Variants in RASA1 observed in about 807,000 individuals in gnomAD.
RASA1 encodes RAS p21 protein activator 1, also known as ras GTPase-activating protein 1.
RASA1 carries 25 observed loss-of-function variants against 132.2 expected under a neutral mutation model. That is an observed-to-expected ratio of 0.19 (90% CI 0.14 to 0.26). The LOEUF is 0.26. Among genes scored for constraint, RASA1 ranks in the 10% least tolerant of loss-of-function variants. RASA1 has a pLI of 1.00. For synonymous variants in RASA1, 477 were observed against 449.9 expected (o/e 1.06, Z -0.76); for missense variants, 964 against 1,299.2 (o/e 0.74, Z 3.97).
intron 1 of RASA1, among the ~76,000 whole-genome samples, chr5:87,305,010 CTTGTTT>C (rs1206113130): frequency 9.8e-6 from 1 of 102,240 alleles, no homozygotes; most frequent in Non-Finnish European, 1.9e-5. Context: ...TGAAAATGTA[CTTGTTT>C]TTGTTTTTGA....
chr5:87,307,678 A>G (rs543617326), intron 1 of RASA1, among the ~76,000 whole-genome samples: 5 of 152,104 alleles, frequency 3.3e-5, no homozygotes, highest in Admixed American at 6.5e-5. Flanking sequence ...TGGGTCTGAC[A>G]TTGATAATTT....
intron 23 of RASA1, among the ~76,000 whole-genome samples, chr5:87,387,200 A>C (rs2112518148): frequency 6.6e-6 from 1 of 152,146 alleles, no homozygotes; most frequent in East Asian, 1.9e-4. Context: ...ATCACATCTG[A>C]CTGCCATGAC....
chr5:87,341,786 A>G (rs957756936), intron 6 of RASA1, among the ~76,000 whole-genome samples: 2 of 152,254 alleles, frequency 1.3e-5, no homozygotes, highest in East Asian at 3.9e-4. Context: ...GAAGATCTGA[A>G]CCATTAATCC....
In RASA1 at chr5:87,386,875, G is replaced by A. The variant is rs757298110; in HGVS notation, c.2897G>A (p.Arg966His). ...CCATTCATCAAAAGCAACAAACATCGTATGATCATGTTTTTAGATGAACTT... is the reference window on the plus strand; with the variant it reads ...CCATTCATCAAAAGCAACAAACATCATATGATCATGTTTTTAGATGAACTT... The part of the protein sequence containing the change: ...VNPFIKSNKH[R>H]MIMFLDELGN... Residue 966 changes from arginine (R) to histidine (H), a missense_variant, in exon 23 of 25, where the codon CGT becomes CAT. By Grantham distance (29) the Arg-to-His change is conservative (BLOSUM62 0). Coordinates refer to ENST00000274376, the MANE Select transcript of RASA1 (RefSeq NM_002890.3). 24 of 1,612,406 alleles carry A rather than the reference G, an allele frequency of 1.5e-5. No individual in the cohort carries two copies. The highest frequency in any genetic ancestry group is 1.9e-5 in the Non-Finnish European group (22 of 1,179,166).
rs1394485749 is a variant in RASA1, at chr5:87,380,615, T to G, written c.2690+20T>G. 1.3e-6 allele frequency: 2 copies of G among 1,570,702 alleles called. No individual in the cohort carries two copies. Among genetic ancestry groups the G allele is most frequent in the African/African-American group, 1.4e-5 (1 of 73,912 alleles). ...TGTTAGGTAAGGCTCATCAATTGAT[T>G]TGTTAAATCACATACTAATAGGTGG... On this transcript the variant is annotated intron_variant, in intron 20 of 24. Transcript: ENST00000274376.
At position 87,376,670 on chromosome 5, in the gene RASA1, C is replaced by A; in HGVS notation, c.2184+105C>A. ...AACATAGTAATTCATAGCTTAGTAG[C>A]ACAATGATGCCAGAGATTTTAAACC... is the stretch of plus-strand genomic sequence containing the variant. On this transcript the variant is annotated intron_variant, in intron 16 of 24. Transcript: ENST00000274376. 3.6e-6 allele frequency: 5 copies of A among 1,376,510 alleles called. No individual in the cohort carries two copies. The South Asian group carries it at 4.9e-5, about 14-fold the overall frequency. 85.3% of individuals were successfully genotyped at this position (1,376,510 alleles called of 1,614,324 possible).
intron 6 of RASA1, among the ~76,000 whole-genome samples, chr5:87,342,098 G>GT (rs1758513511): frequency 6.6e-6 from 1 of 151,066 alleles, no homozygotes. Flanking sequence ...CCTGCTGTTT[G>GT]TATTAGTTTG....
At chr5:87,378,625 A>G (rs1761486547) in intron 18 of RASA1, 87 bp downstream of exon 18, 3 of 1,342,412 alleles carry the variant, frequency 2.2e-6, no homozygotes, top group Admixed American at 2.0e-5. Flanking sequence ...TTTAAGGAAA[A>G]TATATTAAAT....
chr5:87,273,382 G>A (rs1335950209), intron 1 of RASA1, among the ~76,000 whole-genome samples: 1 of 152,116 alleles, frequency 6.6e-6, no homozygotes, highest in Non-Finnish European at 1.5e-5. Context: ...ATCTAAAACT[G>A]TTAACAGATT....
chr5:87,282,689 C>G (rs1043709995), intron 1 of RASA1, among the ~76,000 whole-genome samples: 2 of 152,106 alleles, frequency 1.3e-5, no homozygotes, highest in African/African-American at 4.8e-5. Context: ...TTAGATCTTA[C>G]GTTACTGTCT....
chr5:87,303,397 AT>A (rs1472337165), intron 1 of RASA1, among the ~76,000 whole-genome samples: 4 of 148,692 alleles, frequency 2.7e-5, no homozygotes, highest in African/African-American at 9.9e-5. Flanking sequence ...GTCTTTTCTA[AT>A]TTCTTGAGGT....
chr5:87,391,852 G>GT lies in RASA1; in HGVS notation c.*970dup, dbSNP rs1762550624. On this transcript the variant is annotated 3_prime_UTR_variant, in exon 25 of 25. Coordinates refer to ENST00000274376, the MANE Select transcript of RASA1 (RefSeq NM_002890.3). The stretch of plus-strand genomic sequence containing the variant: ...CAACTGTATAGTTTTATTTACTTCT[G>GT]TATGTGTATTTTTGTGAAGTATTCA... The GT allele has an allele frequency of 4.3e-6, 1 of 232,044 alleles. No homozygotes were observed. The highest frequency in any genetic ancestry group is 5.6e-5 in the Admixed American group (1 of 17,954). 14.4% of individuals were successfully genotyped at this position (232,044 alleles called of 1,614,324 possible).
At chr5:87,286,298 C>T (rs918971205) in intron 1 of RASA1, among the ~76,000 whole-genome samples, 1 of 151,990 alleles carries the variant, frequency 6.6e-6, no homozygotes, top group Non-Finnish European at 1.5e-5. Context: ...ATTTCCTTTA[C>T]TTTGATTCAC....
chr5:87,300,790 A>G (rs1755326338), intron 1 of RASA1, among the ~76,000 whole-genome samples: 1 of 152,248 alleles, frequency 6.6e-6, no homozygotes, highest in Non-Finnish European at 1.5e-5. Flanking sequence ...TTATATGATT[A>G]AAATTTACAT....
At chr5:87,322,634 G>C (rs1756913591) in intron 1 of RASA1, among the ~76,000 whole-genome samples, 2 of 152,152 alleles carry the variant, frequency 1.3e-5, no homozygotes, top group Admixed American at 6.5e-5. Flanking sequence ...ACTGAAAGCA[G>C]ATTCCAGCAC....
chr5:87,283,987 A>G (rs1057301259), intron 1 of RASA1, among the ~76,000 whole-genome samples: 5 of 152,234 alleles, frequency 3.3e-5, no homozygotes, highest in South Asian at 2.1e-4. Flanking sequence ...CTGTGTATGC[A>G]TTTATTTAGA....
At chr5:87,340,166 T>C (rs7706214) in intron 5 of RASA1, among the ~76,000 whole-genome samples, 10,406 of 152,198 alleles carry the variant, frequency 0.068, 801 homozygotes, top group African/African-American at 0.19. Flanking sequence ...CTTGACATTC[T>C]TGCCCTGATA....
intron 1 of RASA1, among the ~76,000 whole-genome samples, chr5:87,318,123 TTCATATA>T: frequency 6.6e-6 from 1 of 152,260 alleles, no homozygotes; most frequent in East Asian, 1.9e-4. Context: ...GAAGCGTGCT[TTCATATA>T]TCATATAGAA....
chr5:87,296,944 A>G (rs748332378), intron 1 of RASA1, among the ~76,000 whole-genome samples: 4 of 148,990 alleles, frequency 2.7e-5, no homozygotes, highest in Non-Finnish European at 6.0e-5. Flanking sequence ...TGAATGTTCT[A>G]CTCTTTCTTT....
Sources: allele counts gnomAD v4.1 joint callset (sites outside exome capture counted in the v4.1 genomes callset), GRCh38; gene constraint gnomAD v4.1.1; transcripts MANE v1.5; gene names NCBI Gene and HGNC (gene_info 2026-07-23, HGNC 2026-07-21).